FSCN2: variants seen among roughly 807,000 people sequenced by gnomAD.
The protein encoded by FSCN2 is fascin actin-bundling protein 2, retinal.
A neutral mutation model predicts 37.8 loss-of-function variants in FSCN2; 46 were observed. The observed-to-expected ratio is 1.22, with a 90% CI of 0.96 to 1.56. FSCN2 has a LOEUF of 1.56. Ranked by LOEUF, FSCN2 falls within the 40% of genes most tolerant of loss-of-function variation. FSCN2 has a pLI of 0.00. For missense variants in FSCN2, 844 were observed against 730.4 expected (o/e 1.16, Z -1.79); for synonymous variants, 351 against 309.4 (o/e 1.13, Z -1.41).
chr17:81,524,876 C>T (rs1260976023), upstream of FSCN2, among the ~76,000 whole-genome samples: 1 of 144,756 alleles, frequency 6.9e-6, no homozygotes, highest in African/African-American at 2.6e-5. Context: ...TTTGCCCACC[C>T]TCATCCATGA....
intron 1 of FSCN2, 113 bp from the exon 2 acceptor site, chr17:81,534,939 A>T (rs1016735914): frequency 1.2e-5 from 8 of 682,234 alleles, no homozygotes; most frequent in Non-Finnish European, 1.9e-5. Flanking sequence ...TCAAGTCAAG[A>T]GGGTTCTAGA....
chr17:81,528,951 G>T lies in FSCN2; in HGVS notation c.420G>T (p.Gln140His). The T allele has an allele frequency of 6.3e-7, 1 of 1,590,664 alleles. No homozygotes were observed. Reference sequence around the variant, plus strand: ...CCGTGCACCTGGCCATCCACCCGCAGGCCCACCTGCTGAGCGTGAGCCGGC... The same window carrying T: ...CCGTGCACCTGGCCATCCACCCGCATGCCCACCTGCTGAGCGTGAGCCGGC... ...LWTVHLAIHPQAHLLSVSRRR... is the reference protein window; with the variant it reads ...LWTVHLAIHPHAHLLSVSRRR... The change falls in exon 1 of 5, where the codon CAG (glutamine) becomes CAT (histidine). Residue 140 changes from glutamine (Q) to histidine (H), a missense_variant. By Grantham distance (24) the Gln-to-His change is conservative (BLOSUM62 0). Coordinates refer to ENST00000417245, the MANE Select transcript of FSCN2 (RefSeq NM_012418.4).
chr17:81,515,866 TGA>T, the FSCN2 span, among the ~76,000 whole-genome samples: 1 of 152,290 alleles, frequency 6.6e-6, no homozygotes, highest in African/African-American at 2.4e-5. Flanking sequence ...ATTGTATTTT[TGA>T]GACAGTCTCA....
intron 1 of FSCN2, among the ~76,000 whole-genome samples, chr17:81,534,373 A>C (rs1365311588): frequency 1.3e-5 from 2 of 152,064 alleles, no homozygotes; most frequent in Admixed American, 1.3e-4. Flanking sequence ...CACCACTCCC[A>C]GTGTCTGGCT....
At chr17:81,532,716 GTGGTGATAGTGA>G (rs1420052294) in intron 1 of FSCN2, among the ~76,000 whole-genome samples, 24 of 150,862 alleles carry the variant, frequency 1.6e-4, no homozygotes, top group Non-Finnish European at 3.1e-4. Context: ...AGTGATGGTG[GTGGTGATAGTGA>G]TGGTGATGGT....
chr17:81,529,153 G>T lies in FSCN2; in HGVS notation c.622G>T (p.Ala208Ser). 1 of 1,586,402 alleles carries T rather than the reference G, an allele frequency of 6.3e-7. No individual in the cohort carries two copies. ...GRLVWEPEPRACYTLEFKAGK... is the reference protein window; with the variant it reads ...GRLVWEPEPRSCYTLEFKAGK... ...TCTGGTCTGGGAGCCTGAGCCCCGT[G>T]CCTGCTACACGCTGGAGTTCAAGGC... Residue 208 changes from alanine to serine, a missense_variant, in exon 1 of 5, where the codon GCC (alanine) becomes TCC (serine). Transcript: ENST00000417245.
At position 81,535,306 on chromosome 17, in the gene FSCN2, C is replaced by G. The variant is rs553400016; in HGVS notation, c.983+98C>G. On this transcript the variant is annotated intron_variant, in intron 2 of 4. Transcript: ENST00000417245. ...ACCATCCGCATCCCCATCTCCATCC[C>G]CACCACCCCCACCCCCACCAGCCCC... 95 of 605,852 alleles carry G rather than the reference C, an allele frequency of 1.6e-4. 3 individuals are homozygous for G. The African/African-American group carries it at 1.9e-3, about 12-fold the overall frequency. The allele number at this position is 605,852 out of a possible 1,614,324, so 37.5% of individuals were successfully genotyped here. A position where few individuals can be genotyped will look rare whatever the true frequency, so the allele number is the denominator to read the frequency against.
upstream of FSCN2, among the ~76,000 whole-genome samples, chr17:81,525,455 G>T (rs1363643706): frequency 1.5e-5 from 2 of 129,200 alleles, no homozygotes; most frequent in Non-Finnish European, 3.5e-5. Flanking sequence ...GTGCCTGGTG[G>T]TTCACGGCTG....
upstream of FSCN2, chr17:81,527,640 CCAAA>C (rs1351454600): frequency 6.6e-6 from 1 of 152,400 alleles, no homozygotes; most frequent in African/African-American, 2.4e-5. Flanking sequence ...CGTAAAGACT[CCAAA>C]GTGAAGTGAG....
chr17:81,534,124 G>A (rs931549444), intron 1 of FSCN2, among the ~76,000 whole-genome samples: 1 of 152,362 alleles, frequency 6.6e-6, no homozygotes, highest in Non-Finnish European at 1.5e-5. Flanking sequence ...TCAGTGATGA[G>A]TGTGAGGGAG....
the FSCN2 span, among the ~76,000 whole-genome samples, chr17:81,522,075 C>T: frequency 2.0e-5 from 3 of 152,054 alleles, no homozygotes; most frequent in African/African-American, 7.2e-5. Flanking sequence ...GGCACGATCT[C>T]GGCTCACTGC....
rs528081798 is a variant in FSCN2 at position 81,535,838 on chromosome 17, C to CAT, written c.984-307_984-306dup. ...CCATCACCATCCCCCTCTCCATCCC[C>CAT]ATCCCCATCTCCATCACCATCCCCC... is the stretch of plus-strand genomic sequence containing the variant. On this transcript the variant is annotated intron_variant, in intron 2 of 4. Transcript: ENST00000417245. Among the ~76,000 whole-genome samples, 314 of 127,454 alleles carry CAT rather than the reference C, an allele frequency of 2.5e-3. 1 individual carries two copies. The highest frequency in any genetic ancestry group is 3.9e-3 in the Non-Finnish European group (239 of 61,360). The allele number at this position is 127,454 out of a possible 152,430, so 83.6% of individuals were successfully genotyped here.
rs368466168 is a variant in FSCN2, at chr17:81,536,804, G to A, written c.1273+15G>A. ...CCGGATCCGAGGTGCGTGGCGGGGC[G>A]GGTGGGCACGCGGGAGCGGGGGTGG... On this transcript the variant is annotated intron_variant, in intron 4 of 4. Coordinates refer to ENST00000417245, the MANE Select transcript of FSCN2 (RefSeq NM_012418.4). 1.0e-4 allele frequency: 163 copies of A among 1,571,758 alleles called. 1 individual carries two copies. The highest frequency in any genetic ancestry group is 1.3e-4 in the Non-Finnish European group (153 of 1,156,466).
upstream of FSCN2, among the ~76,000 whole-genome samples, chr17:81,525,912 C>G (rs1285195369): frequency 6.6e-6 from 1 of 152,084 alleles, no homozygotes; most frequent in African/African-American, 2.4e-5. Context: ...TAAACGGCCT[C>G]CCTCCAAGGA....
chr17:81,532,203 GTGA>G (rs1357661887), intron 1 of FSCN2, among the ~76,000 whole-genome samples: 8 of 129,746 alleles, frequency 6.2e-5, no homozygotes, highest in East Asian at 2.4e-4. Flanking sequence ...GGTGGTGGTG[GTGA>G]TGATAGTGAT....
rs782454197 is a variant in FSCN2, at chr17:81,529,041, C to T, written c.510C>T (p.Gly170=). ...CCGCAGACGGAGACAAGCCCTGGGG[C>T]GTGGACGCCCTCCTCACCCTCATCT... is the stretch of plus-strand genomic sequence containing the variant. ...EMAADGDKPW[G]VDALLTLIFR... The change falls in exon 1 of 5, where the codon GGC becomes GGT. Residue 170 remains glycine (G), a synonymous_variant. Transcript: ENST00000417245. 14 of 1,589,600 alleles carry T rather than the reference C, an allele frequency of 8.8e-6. No individual in the cohort carries two copies. The highest frequency in any genetic ancestry group is 1.7e-5 in the Admixed American group (1 of 57,450).
At chr17:81,517,531 C>CGTGCTCAGTGCCTCTGT in the FSCN2 span, among the ~76,000 whole-genome samples, 3 of 152,302 alleles carry the variant, frequency 2.0e-5, no homozygotes, top group Admixed American at 2.0e-4. Flanking sequence ...ATGAGTAAGA[C>CGTGCTCAGTGCCTCTGT]GTGCTCAGTG....
At chr17:81,521,691 C>T in the FSCN2 span, among the ~76,000 whole-genome samples, 1 of 152,030 alleles carries the variant, frequency 6.6e-6, no homozygotes, top group African/African-American at 2.4e-5. Flanking sequence ...AAATTTCAAA[C>T]TTACCTCGTT....
At chr17:81,521,276 C>A in the FSCN2 span, among the ~76,000 whole-genome samples, 1 of 152,090 alleles carries the variant, frequency 6.6e-6, no homozygotes, top group East Asian at 1.9e-4. Flanking sequence ...CCATGTTGGT[C>A]AGGCTGGTCT....
Sources: gnomAD v4.1 joint callset for allele counts (sites outside exome capture counted in the v4.1 genomes callset) on GRCh38, gnomAD v4.1.1 for gene constraint, MANE v1.5 for transcripts, NCBI Gene and HGNC (gene_info 2026-07-23, HGNC 2026-07-21) for gene names.